The following WWOX variants were observed in gnomAD, a reference collection of about 807,000 sequenced individuals.
WWOX encodes the protein WW domain-containing oxidoreductase.
WWOX carries 69 observed loss-of-function variants against 46.2 expected under a neutral mutation model. The observed-to-expected ratio is 1.49, with a 90% CI of 1.23 to 1.82. WWOX has a LOEUF of 1.82. Ranked by LOEUF, WWOX falls within the 40% of genes most tolerant of loss-of-function variation. WWOX has a pLI of 0.00. For missense variants in WWOX, 919 were observed against 542.6 expected (o/e 1.69, Z -6.89); for synonymous variants, 359 against 202.6 (o/e 1.77, Z -6.56).
intron 5 of WWOX, among the ~76,000 whole-genome samples, chr16:78,194,220 A>T (rs1291088492): frequency 1.3e-5 from 2 of 152,074 alleles, no homozygotes; most frequent in Non-Finnish European, 2.9e-5. Flanking sequence ...GGTGTTTGTT[A>T]CAGTGATGTT....
chr16:78,645,029 C>G (rs1264380152), intron 8 of WWOX, among the ~76,000 whole-genome samples: 6 of 152,154 alleles, frequency 3.9e-5, no homozygotes, highest in Non-Finnish European at 1.5e-5. Context: ...ATAGTGCTTT[C>G]TTTTCTTCAA....
At chr16:79,147,867 A>G (rs1158429348) in intron 8 of WWOX, among the ~76,000 whole-genome samples, 1 of 152,134 alleles carries the variant, frequency 6.6e-6, no homozygotes, top group Non-Finnish European at 1.5e-5. Flanking sequence ...TTTGTCATCT[A>G]TATATCCTCT....
At chr16:79,064,674 A>C (rs1055134322) in intron 8 of WWOX, among the ~76,000 whole-genome samples, 1 of 152,236 alleles carries the variant, frequency 6.6e-6, no homozygotes, top group East Asian at 1.9e-4. Flanking sequence ...TGCAAGGATT[A>C]AATGAGAGAT....
chr16:79,018,525 G>T (rs9931739), intron 8 of WWOX, among the ~76,000 whole-genome samples: 1 of 152,092 alleles, frequency 6.6e-6, no homozygotes, highest in Non-Finnish European at 1.5e-5. Flanking sequence ...ACAATGGTCT[G>T]ATTAATTGAA....
intron 8 of WWOX, among the ~76,000 whole-genome samples, chr16:78,949,453 C>G (rs982165497): frequency 6.6e-6 from 1 of 152,170 alleles, no homozygotes; most frequent in African/African-American, 2.4e-5. Context: ...TTCCTGTTGT[C>G]CCCTCCCGTG....
intron 8 of WWOX, among the ~76,000 whole-genome samples, chr16:78,563,510 C>G (rs1318623123): frequency 1.8e-4 from 25 of 140,866 alleles, no homozygotes; most frequent in Non-Finnish European, 4.5e-5. Flanking sequence ...CACACACACA[C>G]ACACACGCTT....
At chr16:78,405,827 G>T (rs987423253) in intron 6 of WWOX, among the ~76,000 whole-genome samples, 1 of 152,090 alleles carries the variant, frequency 6.6e-6, no homozygotes, top group African/African-American at 2.4e-5. Context: ...TGGCTCAGAG[G>T]GGTTTATTCA....
chr16:78,624,930 A>G (rs144400787), intron 8 of WWOX, among the ~76,000 whole-genome samples: 2,605 of 152,260 alleles, frequency 0.017, 30 homozygotes, highest in South Asian at 0.029. Flanking sequence ...AACCCTGTTC[A>G]TTTTACCTAA....
intron 8 of WWOX, among the ~76,000 whole-genome samples, chr16:78,588,228 C>A (rs1397000430): frequency 6.6e-6 from 1 of 152,192 alleles, no homozygotes; most frequent in Non-Finnish European, 1.5e-5. Flanking sequence ...CTGTAGATGA[C>A]AATAGCCTCA....
At chr16:79,003,337 T>G (rs947999070) in intron 8 of WWOX, among the ~76,000 whole-genome samples, 5 of 152,184 alleles carry the variant, frequency 3.3e-5, no homozygotes, top group Non-Finnish European at 7.3e-5. Context: ...TAACATTTGC[T>G]GAGATCCTGC....
At chr16:78,210,449 G>A (rs529522051) in intron 5 of WWOX, among the ~76,000 whole-genome samples, 1 of 152,216 alleles carries the variant, frequency 6.6e-6, no homozygotes, top group South Asian at 2.1e-4. Flanking sequence ...GAAGGCAAGT[G>A]CTAATTTACC....
At position 78,334,808 on chromosome 16, in the gene WWOX, G is replaced by GCGCA. The variant is rs1555521509; in HGVS notation, c.517-52051_517-52050insGCAC. On this transcript the variant is annotated intron_variant, in intron 5 of 8. Coordinates refer to ENST00000566780, the MANE Select transcript of WWOX (RefSeq NM_016373.4). ...GTCTCCCCTCCACACACACACACAC[G>GCGCA]CACACACACACACACACACACACAT... 5.3e-3 allele frequency among the ~76,000 whole-genome samples: 416 copies of GCGCA among 78,818 alleles called. 3 individuals carry two copies. Among genetic ancestry groups the GCGCA allele is most frequent in the Non-Finnish European group, 6.5e-3 (225 of 34,458 alleles). The allele number at this position is 78,818 out of a possible 152,430, so 51.7% of individuals were successfully genotyped here. A position where few individuals can be genotyped will look rare whatever the true frequency, so the allele number is the denominator to read the frequency against.
At chr16:78,801,351 A>G (rs955588178) in intron 8 of WWOX, among the ~76,000 whole-genome samples, 21 of 152,154 alleles carry the variant, frequency 1.4e-4, no homozygotes, top group African/African-American at 5.1e-4. Context: ...CTCTACTAAA[A>G]ATACAAAAAT....
intron 5 of WWOX, among the ~76,000 whole-genome samples, chr16:78,320,964 A>G (rs973985884): frequency 6.6e-6 from 1 of 152,118 alleles, no homozygotes. Context: ...TCTTGTTTAC[A>G]ATTAGAGTCT....
chr16:78,841,159 A>C (rs768267239), intron 8 of WWOX, among the ~76,000 whole-genome samples: 1 of 152,164 alleles, frequency 6.6e-6, no homozygotes, highest in Non-Finnish European at 1.5e-5. Context: ...CAGATACACA[A>C]CGTGCACTGG....
chr16:79,138,676 C>A (rs1279705126), intron 8 of WWOX, among the ~76,000 whole-genome samples: 1 of 152,216 alleles, frequency 6.6e-6, no homozygotes, highest in African/African-American at 2.4e-5. Context: ...ATGATCACAA[C>A]TCTCTAACGT....
At chr16:78,945,748 A>T (rs1049093192) in intron 8 of WWOX, among the ~76,000 whole-genome samples, 2 of 151,438 alleles carry the variant, frequency 1.3e-5, no homozygotes, top group African/African-American at 4.9e-5. Flanking sequence ...GGTTCCTGCA[A>T]ATTGTTTTTA....
intron 8 of WWOX, among the ~76,000 whole-genome samples, chr16:78,602,234 T>C (rs527328662): frequency 6.6e-6 from 1 of 152,256 alleles, no homozygotes; most frequent in South Asian, 2.1e-4. Flanking sequence ...TCTGGATAGA[T>C]CTGGATAGAT....
At chr16:78,880,158 A>T (rs2044314180) in intron 8 of WWOX, among the ~76,000 whole-genome samples, 1 of 152,226 alleles carries the variant, frequency 6.6e-6, no homozygotes, top group African/African-American at 2.4e-5. Context: ...GAGATGTTGG[A>T]TCAAATCAGA....
Sources: allele counts gnomAD v4.1 joint callset (sites outside exome capture counted in the v4.1 genomes callset), GRCh38; gene constraint gnomAD v4.1.1; transcripts MANE v1.5; gene names NCBI Gene and HGNC (gene_info 2026-07-23, HGNC 2026-07-21).